The following LNX1 variants were observed in gnomAD, a reference collection of about 807,000 sequenced individuals.
LNX1 encodes ligand of numb-protein X 1, also known as E3 ubiquitin-protein ligase LNX.
LNX1 carries 54 observed loss-of-function variants against 68.4 expected under a neutral mutation model. The ratio of observed to expected loss-of-function variants is 0.79; its 90% CI spans 0.63 to 0.99. LNX1 has a LOEUF of 0.99. Among genes scored for constraint, LNX1 ranks in the 50% least tolerant of loss-of-function variants. The probability of loss-of-function intolerance (pLI) is 0.00; values close to 1 mark genes in which losing one functional copy is unlikely to be tolerated. For synonymous variants in LNX1, 336 were observed against 350.0 expected (o/e 0.96, Z 0.45); for missense variants, 906 against 926.4 (o/e 0.98, Z 0.29).
intron 1 of LNX1, among the ~76,000 whole-genome samples, chr4:53,644,351 G>A (rs1734802271): frequency 6.6e-6 from 1 of 152,090 alleles, no homozygotes; most frequent in Non-Finnish European, 1.5e-5. Flanking sequence ...GCAGTGAGCC[G>A]AGATCACGCC....
rs1352877903 is a variant in LNX1, at chr4:53,481,853, G to A, written c.1352C>T (p.Ala451Val). Reference protein sequence around the residue: ...SPESAAHLIQASERRVHLVVS... With the variant: ...SPESAAHLIQVSERRVHLVVS... Reference sequence around the variant, plus strand: ...GACGAGGTGAACACGTCTTTCACTGGCCTGGGCAAGAAGACACAGGCATTA... The same window carrying A: ...GACGAGGTGAACACGTCTTTCACTGACCTGGGCAAGAAGACACAGGCATTA... Residue 451 changes from alanine to valine, a missense_variant and splice_region_variant, in exon 7 of 11, where the codon GCC (alanine) becomes GTC (valine). Transcript: ENST00000263925. 4.4e-6 allele frequency: 7 copies of A among 1,592,532 alleles called. No homozygotes were observed. The highest frequency in any genetic ancestry group is 5.1e-6 in the Non-Finnish European group (6 of 1,167,436).
intron 2 of LNX1, among the ~76,000 whole-genome samples, chr4:53,560,046 T>C (rs1442978102): frequency 1.3e-5 from 2 of 152,222 alleles, no homozygotes; most frequent in Admixed American, 6.5e-5. Flanking sequence ...GTTATTCTTT[T>C]CTTATCCCTT....
In LNX1 at chr4:53,461,052, AAAAC is replaced by A. The variant is rs954230639; in HGVS notation, c.2052-14_2052-11del. On this transcript the variant is annotated splice_polypyrimidine_tract_variant and intron_variant, in intron 10 of 10. Coordinates refer to ENST00000263925, the MANE Select transcript of LNX1 (RefSeq NM_001126328.3). The stretch of plus-strand genomic sequence containing the variant: ...AAGAATATCACCACATCTAAAAAAA[AAAAC>A]AAAACAAGATATGATTAGTATTTTA... The A allele has an allele frequency of 3.2e-6, 5 of 1,550,142 alleles. No homozygotes were observed. The highest frequency in any genetic ancestry group is 1.4e-5 in the African/African-American group (1 of 71,094).
At chr4:53,620,763 T>C (rs1733841474), upstream of LNX1, among the ~76,000 whole-genome samples, 1 of 152,134 alleles carries the variant, frequency 6.6e-6, no homozygotes, top group Admixed American at 6.6e-5. Context: ...AAGACATTTC[T>C]TTCCTCCCAG....
chr4:53,602,510 G>C (rs1245163578), intron 2 of LNX1, among the ~76,000 whole-genome samples: 1 of 152,202 alleles, frequency 6.6e-6, no homozygotes, highest in Non-Finnish European at 1.5e-5. Flanking sequence ...ACCTTGAAGG[G>C]TGGCTTGCTG....
chr4:53,611,299 G>A (rs550645992), intron 2 of LNX1, among the ~76,000 whole-genome samples: 1 of 152,152 alleles, frequency 6.6e-6, no homozygotes, highest in South Asian at 2.1e-4. Context: ...GCACAACAAA[G>A]TTATACTAAA....
Position 53,460,487 on chromosome 4 carries a change from T to G in LNX1, c.*420A>C. 5.1e-6 allele frequency: 1 copy of G among 197,634 alleles called. No individual in the cohort carries two copies. The highest frequency in any genetic ancestry group is 6.0e-5 in the Admixed American group (1 of 16,552). 12.2% of individuals were successfully genotyped at this position (197,634 alleles called of 1,614,324 possible). A position where few individuals can be genotyped will look rare whatever the true frequency, so the allele number is the denominator to read the frequency against. Reference sequence around the variant, plus strand: ...CTGAAAAATATTTATTCTTGTTTGATGAAAGCAACGTTTCTCAGCAATGCA... The same window carrying G: ...CTGAAAAATATTTATTCTTGTTTGAGGAAAGCAACGTTTCTCAGCAATGCA... On this transcript the variant is annotated 3_prime_UTR_variant, in exon 11 of 11. Transcript: ENST00000263925.
At chr4:53,470,014 C>G (rs1365622135) in intron 9 of LNX1, among the ~76,000 whole-genome samples, 1 of 152,188 alleles carries the variant, frequency 6.6e-6, no homozygotes, top group Non-Finnish European at 1.5e-5. Context: ...ATCCTGATAA[C>G]AAAGCCGGGC....
At chr4:53,605,006 C>G (rs993690360) in intron 2 of LNX1, among the ~76,000 whole-genome samples, 1 of 152,130 alleles carries the variant, frequency 6.6e-6, no homozygotes, top group Non-Finnish European at 1.5e-5. Context: ...AAAACCATAG[C>G]AAGACTTGGA....
intron 2 of LNX1, among the ~76,000 whole-genome samples, chr4:53,520,507 C>G (rs1175618855): frequency 6.6e-6 from 1 of 152,162 alleles, no homozygotes; most frequent in Non-Finnish European, 1.5e-5. Context: ...TTCATTTCCT[C>G]CATACTTTGG....
At chr4:53,593,110 AAGGG>A (rs2109824541), upstream of LNX1, 1 of 152,340 alleles carries the variant, frequency 6.6e-6, no homozygotes, top group African/African-American at 2.4e-5. Context: ...AAAAGAAAAA[AAGGG>A]AGGTAACAAA....
chr4:53,640,871 G>A lies in LNX1; in HGVS notation c.-215+11297C>T, dbSNP rs1003054211. 3.3e-5 allele frequency among the ~76,000 whole-genome samples: 5 copies of A among 152,322 alleles called. No homozygotes were observed. In the South Asian group the frequency reaches 6.2e-4, roughly 19 times the overall value. On this transcript the variant is annotated intron_variant, in intron 1 of 2. Transcript: ENST00000507168. ...GAAAATGAAGCTGGGTTTCAGGTTC[G>A]ACTCACATGAGCTACTTTTATTTGG...
At chr4:53,592,691 T>G (rs934844240), upstream of LNX1, among the ~76,000 whole-genome samples, 2 of 152,196 alleles carry the variant, frequency 1.3e-5, no homozygotes, top group African/African-American at 4.8e-5. Context: ...GGGAATGCTT[T>G]TGTTCCACCG....
rs114919445 is a variant in LNX1 at position 53,525,715 on chromosome 4, T to A, written c.381-17488A>T. 3.7e-3 allele frequency among the ~76,000 whole-genome samples: 560 copies of A among 152,302 alleles called. 2 individuals carry two copies. Among genetic ancestry groups the A allele is most frequent in the African/African-American group, 0.013 (536 of 41,564 alleles). On this transcript the variant is annotated intron_variant, in intron 2 of 10. Transcript: ENST00000263925. ...AAAACTGCTTACAGGCAGCCTCAGT[T>A]AGGGGAGGTTCTTCTTGGATCAATG...
At chr4:53,582,851 C>T (rs1731922183) in intron 1 of LNX1, among the ~76,000 whole-genome samples, 1 of 152,074 alleles carries the variant, frequency 6.6e-6, no homozygotes. Context: ...GAAACACCAT[C>T]CTGGACCACG....
At chr4:53,619,087 T>C (rs1733777894), upstream of LNX1, among the ~76,000 whole-genome samples, 1 of 152,136 alleles carries the variant, frequency 6.6e-6, no homozygotes, top group South Asian at 2.1e-4. Context: ...AAGAGCCACA[T>C]GTGGCTAGTG....
At chr4:53,613,534 C>T (rs1263944269) in intron 2 of LNX1, among the ~76,000 whole-genome samples, 2 of 152,142 alleles carry the variant, frequency 1.3e-5, no homozygotes, top group Non-Finnish European at 2.9e-5. Context: ...CAGTAAGCCC[C>T]AGTGTGCATT....
chr4:53,525,776 C>T (rs966455469), intron 2 of LNX1, among the ~76,000 whole-genome samples: 1 of 152,200 alleles, frequency 6.6e-6, no homozygotes, highest in African/African-American at 2.4e-5. Flanking sequence ...GTGGCCAAAA[C>T]AGTATCTCCC....
At chr4:53,548,522 T>C (rs1729268520) in intron 2 of LNX1, among the ~76,000 whole-genome samples, 2 of 152,198 alleles carry the variant, frequency 1.3e-5, no homozygotes, top group South Asian at 4.1e-4. Context: ...CCTGTGGAGA[T>C]ATTTCTCCAG....
Sources: allele counts gnomAD v4.1 joint callset (sites outside exome capture counted in the v4.1 genomes callset), GRCh38; gene constraint gnomAD v4.1.1; transcripts MANE v1.5; gene names NCBI Gene and HGNC (gene_info 2026-07-23, HGNC 2026-07-21).